Variants in TPH2 observed in about 807,000 individuals in gnomAD.
TPH2 encodes the protein tryptophan hydroxylase 2, also known as tryptophan 5-hydroxylase 2.
In TPH2, 27 loss-of-function variants were observed where a neutral mutation model predicts 59.1. The ratio of observed to expected loss-of-function variants is 0.46; its 90% CI spans 0.34 to 0.63. The LOEUF (loss-of-function observed/expected upper bound fraction) is 0.63. Ranked by LOEUF, TPH2 falls within the 30% of genes least tolerant of loss-of-function variation. The pLI is 0.01. For synonymous variants in TPH2, 220 were observed against 210.5 expected, an observed-to-expected ratio of 1.05 and a Z score of -0.39; for missense variants, 523 against 588.3, an observed-to-expected ratio of 0.89 and a Z score of 1.15.
At chr12:71,992,009 G>A (rs956968545) in intron 7 of TPH2, among the ~76,000 whole-genome samples, 1 of 152,152 alleles carries the variant, frequency 6.6e-6, no homozygotes, top group African/African-American at 2.4e-5. Context: ...TTACCTCAGG[G>A]AGCCTGATTG....
At chr12:72,030,953 T>TG (rs1205364571) in intron 9 of TPH2, among the ~76,000 whole-genome samples, 1 of 152,156 alleles carries the variant, frequency 6.6e-6, no homozygotes, top group East Asian at 1.9e-4. Context: ...CCCATTTCTG[T>TG]GGGGGAATAG....
At chr12:72,020,086 C>T (rs766212458) in intron 8 of TPH2, among the ~76,000 whole-genome samples, 1 of 152,196 alleles carries the variant, frequency 6.6e-6, no homozygotes, top group Non-Finnish European at 1.5e-5. Context: ...CAGTTGTTCT[C>T]AACCAAGGAT....
chr12:71,979,078 C>T lies in TPH2; in HGVS notation c.932C>T (p.Thr311Ile). Residue 311 changes from threonine (T) to isoleucine (I), a missense_variant, in exon 7 of 11, where the codon ACC (threonine) becomes ATC (isoleucine). Physicochemically the swap from Thr to Ile is moderately conservative, Grantham distance 89 (BLOSUM62 -1). Coordinates refer to ENST00000333850, the MANE Select transcript of TPH2 (RefSeq NM_173353.4). The stretch of plus-strand genomic sequence containing the variant: ...CGGCATGGCTCAGATCCCCTCTACA[C>T]CCCAGAACCGTGAGTACCTACATTA... ...YIRHGSDPLY[T>I]PEPDTCHELL... is the part of the protein sequence containing the mutation. The T allele has an allele frequency of 1.2e-6, 2 of 1,614,146 alleles. No individual in the cohort carries two copies. The highest frequency in any genetic ancestry group is 1.1e-5 in the South Asian group (1 of 91,080).
At chr12:72,014,367 A>G (rs2139237981) in intron 8 of TPH2, among the ~76,000 whole-genome samples, 1 of 151,212 alleles carries the variant, frequency 6.6e-6, no homozygotes. Flanking sequence ...CTTGAAGCCT[A>G]GTCCCAGAAT....
At chr12:71,988,476 C>A (rs889670525) in intron 7 of TPH2, among the ~76,000 whole-genome samples, 1 of 152,138 alleles carries the variant, frequency 6.6e-6, no homozygotes, top group Non-Finnish European at 1.5e-5. Context: ...GAGAACACTT[C>A]ACATGGCGAA....
intron 8 of TPH2, among the ~76,000 whole-genome samples, chr12:71,997,786 C>A (rs1872730087): frequency 6.6e-6 from 1 of 152,106 alleles, no homozygotes; most frequent in African/African-American, 2.4e-5. Context: ...GTGGTAGTTT[C>A]TTCAAGAAAG....
Position 71,949,674 on chromosome 12 carries a change from C to A in TPH2, c.608+19C>A, listed in dbSNP as rs1262189712. On this transcript the variant is annotated intron_variant, in intron 5 of 10. Transcript: ENST00000333850. ...ATAAATAGTAAGTACCTGTATAACTCTTTCTTGTCACTGGCTAGTTAGGAA... is the reference window on the plus strand; with the variant it reads ...ATAAATAGTAAGTACCTGTATAACTATTTCTTGTCACTGGCTAGTTAGGAA... 1.9e-6 allele frequency: 3 copies of A among 1,599,510 alleles called. No individual in the cohort carries two copies. The highest frequency in any genetic ancestry group is 1.3e-5 in the African/African-American group (1 of 74,654).
chr12:72,017,689 T>C (rs11831550), intron 8 of TPH2, among the ~76,000 whole-genome samples: 3,153 of 152,266 alleles, frequency 0.021, 128 homozygotes, highest in African/African-American at 0.072. Flanking sequence ...TGATAATAGG[T>C]AGGATTATTC....
intron 9 of TPH2, among the ~76,000 whole-genome samples, chr12:72,029,340 C>T (rs1362552723): frequency 6.6e-6 from 1 of 152,172 alleles, no homozygotes; most frequent in Non-Finnish European, 1.5e-5. Context: ...ATTGAGCCAG[C>T]CACAGTCCTT....
chr12:71,987,928 T>C (rs950344778), intron 7 of TPH2, among the ~76,000 whole-genome samples: 2 of 152,198 alleles, frequency 1.3e-5, no homozygotes, highest in Non-Finnish European at 2.9e-5. Context: ...ACTATGTCTG[T>C]GCTGTCCAAT....
intron 4 of TPH2, among the ~76,000 whole-genome samples, chr12:71,946,122 A>C (rs992009838): frequency 4.6e-5 from 7 of 152,128 alleles, no homozygotes; most frequent in Admixed American, 4.6e-4. Context: ...TTACCTCTGC[A>C]CCTCAAGTTC....
intron 6 of TPH2, among the ~76,000 whole-genome samples, chr12:71,973,774 C>T (rs930586170): frequency 3.3e-5 from 5 of 152,174 alleles, no homozygotes; most frequent in Non-Finnish European, 5.9e-5. Flanking sequence ...TTTCTGGTCA[C>T]ACAACTAGTC....
At chr12:71,972,304 C>T (rs1871995649) in intron 5 of TPH2, among the ~76,000 whole-genome samples, 1 of 152,140 alleles carries the variant, frequency 6.6e-6, no homozygotes, top group Non-Finnish European at 1.5e-5. Flanking sequence ...GAAGATATAA[C>T]TGAATTAAAA....
chr12:71,997,705 G>A (rs1350069781), intron 8 of TPH2, among the ~76,000 whole-genome samples: 1 of 151,884 alleles, frequency 6.6e-6, no homozygotes, highest in African/African-American at 2.4e-5. Context: ...GCCAATTTAA[G>A]CTACCAGGCA....
chr12:71,948,536 GA>G (rs1467783566), intron 4 of TPH2, among the ~76,000 whole-genome samples: 1 of 152,188 alleles, frequency 6.6e-6, no homozygotes, highest in Non-Finnish European at 1.5e-5. Context: ...ATTTGCTAAT[GA>G]GTTTGAGGCT....
intron 8 of TPH2, among the ~76,000 whole-genome samples, chr12:72,017,922 C>T (rs1411744060): frequency 6.6e-6 from 1 of 152,152 alleles, no homozygotes; most frequent in East Asian, 1.9e-4. Context: ...AGTGATCATG[C>T]CCTATGCATT....
chr12:71,982,013 G>GTCTTTTTTTTTTTTTTTT (rs1468983565), intron 7 of TPH2, among the ~76,000 whole-genome samples: 1 of 55,672 alleles, frequency 1.8e-5, no homozygotes, highest in Non-Finnish European at 4.1e-5. Flanking sequence ...CATATCATTC[G>GTCTTTTTTTTTTTTTTTT]TATTTTTTTT....
chr12:71,950,943 C>T (rs554338259), intron 5 of TPH2, among the ~76,000 whole-genome samples: 16 of 152,160 alleles, frequency 1.1e-4, no homozygotes, highest in Non-Finnish European at 1.8e-4. Context: ...TCCCAAGTCC[C>T]AGGCATCCTT....
chr12:71,939,102 C>G lies in TPH2; in HGVS notation c.105+11C>G, dbSNP rs1870981578. On this transcript the variant is annotated intron_variant, in intron 1 of 10. Transcript: ENST00000333850. ...CTTGGCAGCTCAACAGTGAGTACTA[C>G]GTACCTGGCACTATGGAGAATTATT... The G allele has an allele frequency of 1.3e-6, 2 of 1,598,216 alleles. No individual in the cohort carries two copies. The highest frequency in any genetic ancestry group is 2.7e-5 in the African/African-American group (2 of 74,640).
Sources: allele counts gnomAD v4.1 joint callset (sites outside exome capture counted in the v4.1 genomes callset), GRCh38; gene constraint gnomAD v4.1.1; transcripts MANE v1.5; gene names NCBI Gene and HGNC (gene_info 2026-07-23, HGNC 2026-07-21).